Variants in SPAG16 observed in about 807,000 individuals in gnomAD.
SPAG16 encodes the protein sperm-associated antigen 16 protein.
SPAG16 carries 86 observed loss-of-function variants against 80.4 expected under a neutral mutation model. That is an observed-to-expected ratio of 1.07 (90% CI 0.90 to 1.28). The LOEUF (loss-of-function observed/expected upper bound fraction) is 1.28. Among genes scored for constraint, SPAG16 ranks in the 50% most tolerant of loss-of-function variants. The pLI is 0.00. For missense variants in SPAG16, 870 were observed against 765.3 expected (o/e 1.14, Z -1.61); for synonymous variants, 294 against 265.9 (o/e 1.11, Z -1.03).
At chr2:214,334,316 G>C (rs186496638) in intron 15 of SPAG16, among the ~76,000 whole-genome samples, 91 of 152,284 alleles carry the variant, frequency 6.0e-4, no homozygotes, top group African/African-American at 2.2e-3. Flanking sequence ...CTGCGAATAA[G>C]GGGAGTACTA....
At chr2:213,868,360 C>A (rs902259165) in intron 11 of SPAG16, among the ~76,000 whole-genome samples, 7 of 151,644 alleles carry the variant, frequency 4.6e-5, no homozygotes, top group Non-Finnish European at 8.8e-5. Context: ...TTTTTTTGCA[C>A]AATATAAAAA....
chr2:213,819,823 C>G lies in SPAG16; in HGVS notation c.1071-42662C>G, dbSNP rs1056206927. Among the ~76,000 whole-genome samples the G allele has an allele frequency of 6.6e-5, 10 of 152,034 alleles. 1 individual carries two copies. The highest frequency in any genetic ancestry group is 3.4e-3 in the Middle Eastern group (1 of 294). On this transcript the variant is annotated intron_variant, in intron 10 of 15. Coordinates refer to ENST00000331683, the MANE Select transcript of SPAG16 (RefSeq NM_024532.5). ...TCAGGCTGGAGTGCAATGGCACAAT[C>G]TCGGCTCACTGCAACCTCTGCCTCC...
intron 12 of SPAG16, among the ~76,000 whole-genome samples, chr2:214,007,538 G>C (rs774658247): frequency 1.1e-4 from 17 of 152,018 alleles, no homozygotes; most frequent in Non-Finnish European, 2.4e-4. Context: ...CTTCTTTTCA[G>C]CCTTTCTGGT....
At chr2:213,958,545 C>G (rs2044261968) in intron 12 of SPAG16, among the ~76,000 whole-genome samples, 1 of 152,102 alleles carries the variant, frequency 6.6e-6, no homozygotes, top group African/African-American at 2.4e-5. Flanking sequence ...GAATAGTATA[C>G]AAAAACTGCC....
At chr2:213,660,788 A>G (rs2063397743) in intron 10 of SPAG16, among the ~76,000 whole-genome samples, 1 of 152,234 alleles carries the variant, frequency 6.6e-6, no homozygotes. Context: ...TTCAAGTAGC[A>G]GAACATGTTC....
intron 15 of SPAG16, among the ~76,000 whole-genome samples, chr2:214,198,119 G>C (rs965881168): frequency 3.3e-5 from 5 of 151,848 alleles, no homozygotes; most frequent in African/African-American, 1.2e-4. Context: ...AATAGTTTTT[G>C]GGGTATAGCT....
chr2:214,056,600 C>T (rs2125155590), intron 13 of SPAG16, among the ~76,000 whole-genome samples: 1 of 151,814 alleles, frequency 6.6e-6, no homozygotes, highest in South Asian at 2.1e-4. Flanking sequence ...GACAGTCTTG[C>T]CTTGATGTTG....
intron 13 of SPAG16, among the ~76,000 whole-genome samples, chr2:214,100,650 C>T (rs1047543399): frequency 6.6e-6 from 1 of 152,018 alleles, no homozygotes; most frequent in African/African-American, 2.4e-5. Flanking sequence ...TTTTCTGTTC[C>T]TTGTTGCTAT....
chr2:213,666,301 A>G (rs2063599784), intron 10 of SPAG16, among the ~76,000 whole-genome samples: 2 of 152,242 alleles, frequency 1.3e-5, no homozygotes, highest in African/African-American at 2.4e-5. Context: ...CTCTTGGTCA[A>G]TCATACAAAA....
intron 14 of SPAG16, among the ~76,000 whole-genome samples, chr2:214,112,842 G>A (rs1477681526): frequency 6.6e-6 from 1 of 152,052 alleles, no homozygotes; most frequent in Non-Finnish European, 1.5e-5. Flanking sequence ...ATATTGCTAT[G>A]TGTGAATTTG....
intron 13 of SPAG16, among the ~76,000 whole-genome samples, chr2:214,021,957 C>G (rs555400112): frequency 6.6e-6 from 1 of 152,240 alleles, no homozygotes; most frequent in Admixed American, 6.5e-5. Context: ...TTCCCCTCAT[C>G]ACCTAAAGAA....
chr2:213,690,958 T>C (rs1269162566), intron 10 of SPAG16, among the ~76,000 whole-genome samples: 1 of 152,102 alleles, frequency 6.6e-6, no homozygotes, highest in Non-Finnish European at 1.5e-5. Flanking sequence ...GATACAGATA[T>C]AGATATAGAT....
chr2:213,676,642 A>G (rs1159385085), intron 10 of SPAG16, among the ~76,000 whole-genome samples: 1 of 152,092 alleles, frequency 6.6e-6, no homozygotes, highest in Non-Finnish European at 1.5e-5. Context: ...TGAGATAATC[A>G]TGTGGTTTTT....
At chr2:214,253,058 C>CT (rs1281714710) in intron 15 of SPAG16, among the ~76,000 whole-genome samples, 1 of 145,590 alleles carries the variant, frequency 6.9e-6, no homozygotes, top group African/African-American at 2.5e-5. Context: ...TGATGATGAG[C>CT]TTTTTTTCAT....
chr2:213,992,508 TA>T (rs2046334327), intron 12 of SPAG16, among the ~76,000 whole-genome samples: 2 of 152,344 alleles, frequency 1.3e-5, no homozygotes, highest in Admixed American at 6.5e-5. Context: ...TATCCATTTT[TA>T]AAATTATTAT....
chr2:214,318,362 G>A (rs1017685039), intron 15 of SPAG16, among the ~76,000 whole-genome samples: 1 of 145,700 alleles, frequency 6.9e-6, no homozygotes, highest in African/African-American at 2.5e-5. Flanking sequence ...ATAAAAGAGT[G>A]AGAGTGAATT....
chr2:214,394,469 C>G (rs970063508), intron 15 of SPAG16, among the ~76,000 whole-genome samples: 2 of 152,100 alleles, frequency 1.3e-5, no homozygotes, highest in African/African-American at 2.4e-5. Context: ...CATTTTAAAG[C>G]ACCTACTTTG....
At chr2:213,672,325 GCT>G (rs1473159497) in intron 10 of SPAG16, among the ~76,000 whole-genome samples, 3 of 151,852 alleles carry the variant, frequency 2.0e-5, no homozygotes, top group African/African-American at 7.3e-5. Flanking sequence ...GTTTCTTTCA[GCT>G]CTTTTTTCTT....
intron 15 of SPAG16, among the ~76,000 whole-genome samples, chr2:214,305,645 CTTGT>C (rs914137865): frequency 2.0e-5 from 3 of 152,162 alleles, no homozygotes; most frequent in African/African-American, 7.2e-5. Flanking sequence ...TTCCTTATTG[CTTGT>C]TTTTGTCATG....
Sources: allele counts gnomAD v4.1 joint callset (sites outside exome capture counted in the v4.1 genomes callset), GRCh38; gene constraint gnomAD v4.1.1; transcripts MANE v1.5; gene names NCBI Gene and HGNC (gene_info 2026-07-23, HGNC 2026-07-21).